Variants in CIMIP1 observed in about 807,000 individuals in gnomAD.
CIMIP1 encodes the protein low in lung cancer 1.
the CIMIP1 span, among the ~76,000 whole-genome samples, chr20:58,159,763 G>A: frequency 1.4e-4 from 22 of 152,268 alleles, 1 homozygote; most frequent in South Asian, 4.6e-3. Flanking sequence ...CTTGTAGCTG[G>A]TTCAAGGAAG....
the CIMIP1 span, chr20:58,151,119 G>A: frequency 2.1e-3 from 2,703 of 1,311,666 alleles, 46 homozygotes; most frequent in African/African-American, 0.034. Flanking sequence ...CACCAAGTCC[G>A]GGAAGTGATC....
At chr20:58,155,643 A>C in the CIMIP1 span, 12 of 1,241,954 alleles carry the variant, frequency 9.7e-6, no homozygotes, top group South Asian at 1.6e-4. Context: ...CCCAGTGGAA[A>C]CTGATGGCTC....
At chr20:58,153,675 A>AT in the CIMIP1 span, 5 of 1,262,548 alleles carry the variant, frequency 4.0e-6, no homozygotes, top group Non-Finnish European at 5.8e-6. Context: ...ATCATTTCAA[A>AT]GAATGAATGA....
At chr20:58,155,081 C>T in the CIMIP1 span, among the ~76,000 whole-genome samples, 1 of 152,368 alleles carries the variant, frequency 6.6e-6, no homozygotes, top group African/African-American at 2.4e-5. Flanking sequence ...GTTGGGATTA[C>T]AGGCATGAGC....
chr20:58,161,093 AG>A, the CIMIP1 span: 3 of 296,692 alleles, frequency 1.0e-5, no homozygotes, highest in Non-Finnish European at 1.9e-5. Context: ...ATTTCTATGC[AG>A]GGCTTTAAAA....
chr20:58,152,286 T>C, the CIMIP1 span, among the ~76,000 whole-genome samples: 4 of 152,214 alleles, frequency 2.6e-5, no homozygotes, highest in Non-Finnish European at 5.9e-5. Context: ...TACAAACTTC[T>C]GCTCATCCTT....
the CIMIP1 span, chr20:58,160,622 T>C: frequency 6.3e-7 from 1 of 1,591,520 alleles, no homozygotes. Context: ...CGTGTCTCTG[T>C]GGCCGAAGGT....
the CIMIP1 span, chr20:58,153,576 G>A: frequency 3.3e-3 from 5,273 of 1,614,062 alleles, 10 homozygotes; most frequent in Non-Finnish European, 4.1e-3. Flanking sequence ...TCGGAAGCAC[G>A]GCAGAACTGG....
the CIMIP1 span, among the ~76,000 whole-genome samples, chr20:58,153,972 T>C: frequency 6.6e-6 from 1 of 152,166 alleles, no homozygotes; most frequent in Non-Finnish European, 1.5e-5. Flanking sequence ...AGCAGGTGGG[T>C]CTGATGCCAC....
chr20:58,157,906 T>A, the CIMIP1 span, among the ~76,000 whole-genome samples: 1 of 152,190 alleles, frequency 6.6e-6, no homozygotes, highest in Non-Finnish European at 1.5e-5. Flanking sequence ...TGGGCTTTAA[T>A]TCTGCCAACT....
chr20:58,153,439 G>A, the CIMIP1 span: 1 of 848,020 alleles, frequency 1.2e-6, no homozygotes, highest in South Asian at 1.5e-5. Flanking sequence ...CGTCCCTGGT[G>A]CAGAACCACT....
At chr20:58,153,873 G>A in the CIMIP1 span, among the ~76,000 whole-genome samples, 2 of 152,238 alleles carry the variant, frequency 1.3e-5, no homozygotes, top group African/African-American at 4.8e-5. Flanking sequence ...GCAGAGACAG[G>A]TGTTGTTTTA....
the CIMIP1 span, among the ~76,000 whole-genome samples, chr20:58,152,427 T>TA: frequency 0.46 from 68,159 of 147,772 alleles, 16,956 homozygotes; most frequent in East Asian, 0.88. Context: ...ATGATTTATT[T>TA]AAAAAAAAAA....
At chr20:58,151,030 C>G in the CIMIP1 span, 2 of 1,604,674 alleles carry the variant, frequency 1.2e-6, no homozygotes, top group African/African-American at 1.3e-5. Flanking sequence ...AGGATGAGAT[C>G]TGGTAACGCC....
chr20:58,153,557 A>C, the CIMIP1 span: 1 of 1,614,102 alleles, frequency 6.2e-7, no homozygotes, highest in Non-Finnish European at 8.5e-7. Flanking sequence ...ATACCGTCTG[A>C]AGGCTGAATC....
chr20:58,155,688 C>T, the CIMIP1 span: 9 of 776,048 alleles, frequency 1.2e-5, 1 homozygote, highest in African/African-American at 1.6e-4. Context: ...GGTAAGAGCA[C>T]AGCAGTGCCA....
chr20:58,158,373 C>T, the CIMIP1 span, among the ~76,000 whole-genome samples: 158 of 152,298 alleles, frequency 1.0e-3, no homozygotes, highest in Middle Eastern at 3.4e-3. Flanking sequence ...TAATGGTGGC[C>T]GGGCCAGTGG....
the CIMIP1 span, chr20:58,155,633 C>T: frequency 7.3e-7 from 1 of 1,376,690 alleles, no homozygotes. Context: ...AGAAATAAGC[C>T]CCAGTGGAAA....
At chr20:58,155,546 AC>A in the CIMIP1 span, 1 of 1,614,074 alleles carries the variant, frequency 6.2e-7, no homozygotes, top group Admixed American at 1.7e-5. Flanking sequence ...CCGGCCGGTG[AC>A]CCCAGTGGAG....
Sources: gnomAD v4.1 joint callset for allele counts (sites outside exome capture counted in the v4.1 genomes callset) on GRCh38, gnomAD v4.1.1 for gene constraint, MANE v1.5 for transcripts, NCBI Gene and HGNC (gene_info 2026-07-23, HGNC 2026-07-21) for gene names.